Variants in CDK6 observed in about 807,000 individuals in gnomAD.
The protein encoded by CDK6 is cyclin-dependent kinase 6.
CDK6 carries 6 observed loss-of-function variants against 37.1 expected under a neutral mutation model. The ratio of observed to expected loss-of-function variants is 0.16; its 90% confidence interval spans 0.09 to 0.32. The LOEUF (loss-of-function observed/expected upper bound fraction) is 0.32. CDK6 is among the 10% of genes least tolerant of loss of function. CDK6 has a pLI of 1.00. For synonymous variants in CDK6, 160 were observed against 161.3 expected (o/e 0.99, Z 0.06); for missense variants, 224 against 418.9 (o/e 0.53, Z 4.06).
At chr7:92,762,393 A>G (rs927212972) in intron 3 of CDK6, among the ~76,000 whole-genome samples, 3 of 152,064 alleles carry the variant, frequency 2.0e-5, no homozygotes, top group Non-Finnish European at 4.4e-5. Context: ...AGCAGAGGGA[A>G]GCAGGGCCCT....
intron 4 of CDK6, among the ~76,000 whole-genome samples, chr7:92,672,132 T>C (rs938025932): frequency 1.4e-3 from 76 of 56,128 alleles, no homozygotes; most frequent in African/African-American, 5.3e-3. Flanking sequence ...CCAAAAGCTG[T>C]ACATATATAT....
intron 4 of CDK6, among the ~76,000 whole-genome samples, chr7:92,700,631 G>A (rs187906450): frequency 6.6e-6 from 1 of 152,182 alleles, no homozygotes; most frequent in Non-Finnish European, 1.5e-5. Flanking sequence ...GGAGTGGACC[G>A]AGTTGGACAT....
At position 92,613,604 on chromosome 7, in the gene CDK6, G is replaced by A; in HGVS notation, c.*1536C>T. On this transcript the variant is annotated 3_prime_UTR_variant, in exon 8 of 8. Transcript: ENST00000424848. ...TGTAGAGAGCAGGAGTGAGCACAAG[G>A]CACTAGAAATAAGCACAGCCTGGGG... 1 of 233,394 alleles carries A rather than the reference G, an allele frequency of 4.3e-6. No homozygotes were observed. Among genetic ancestry groups the A allele is most frequent in the Admixed American group, 5.6e-5 (1 of 17,798 alleles). The allele number at this position is 233,394 out of a possible 1,614,324, so 14.5% of individuals were successfully genotyped here. A position where few individuals can be genotyped will look rare whatever the true frequency, so the allele number is the denominator to read the frequency against.
At chr7:92,827,369 T>C (rs1053827825) in intron 2 of CDK6, among the ~76,000 whole-genome samples, 2 of 152,028 alleles carry the variant, frequency 1.3e-5, no homozygotes, top group African/African-American at 4.8e-5. Flanking sequence ...ACAAAGGAGA[T>C]GGTCAAAAAT....
intron 5 of CDK6, among the ~76,000 whole-genome samples, chr7:92,645,502 A>T (rs1411141638): frequency 2.6e-5 from 4 of 152,268 alleles, no homozygotes; most frequent in Non-Finnish European, 5.9e-5. Context: ...TCCAAGCAGC[A>T]TTAGAAACCA....
At chr7:92,736,297 C>A (rs1020899357) in intron 3 of CDK6, among the ~76,000 whole-genome samples, 1 of 152,062 alleles carries the variant, frequency 6.6e-6, no homozygotes, top group Admixed American at 6.6e-5. Flanking sequence ...ACCACTTATT[C>A]AAAAGAACTA....
At chr7:92,672,184 GACACATACACACACACACACACACAC>G (rs1797096274) in intron 4 of CDK6, among the ~76,000 whole-genome samples, 2 of 44,140 alleles carry the variant, frequency 4.5e-5, no homozygotes, top group Non-Finnish European at 7.3e-5. Context: ...CACACACACA[GACACATACACACACACACACACACAC>G]ACACACACAC....
At chr7:92,735,207 G>A (rs1332531143) in intron 3 of CDK6, among the ~76,000 whole-genome samples, 1 of 152,114 alleles carries the variant, frequency 6.6e-6, no homozygotes, top group Non-Finnish European at 1.5e-5. Context: ...AGTTGATTAA[G>A]CAAGTTCCAC....
At chr7:92,772,863 T>C (rs555419928) in intron 3 of CDK6, among the ~76,000 whole-genome samples, 29 of 152,196 alleles carry the variant, frequency 1.9e-4, no homozygotes, top group Admixed American at 1.1e-3. Context: ...TCCAATATAC[T>C]AGGATAATTT....
At chr7:92,748,378 T>C (rs750181501) in intron 3 of CDK6, among the ~76,000 whole-genome samples, 1 of 152,150 alleles carries the variant, frequency 6.6e-6, no homozygotes, top group Non-Finnish European at 1.5e-5. Flanking sequence ...CTAGCTGACA[T>C]CACTTTAGGC....
rs568913700 is a variant in CDK6 at position 92,752,762 on chromosome 7, C to T, written c.369+21934G>A. On this transcript the variant is annotated intron_variant, in intron 3 of 7. Coordinates refer to ENST00000424848, the MANE Select transcript of CDK6 (RefSeq NM_001145306.2). ...AATACCACAGGAGTTAGTAATGATT[C>T]GGTGCCTTCCCATGAAGTTCAAGCC... Among the ~76,000 whole-genome samples, 26 of 152,222 alleles carry T rather than the reference C, an allele frequency of 1.7e-4. 1 individual carries two copies. The highest frequency in any genetic ancestry group is 1.4e-3 in the Admixed American group (21 of 15,306).
chr7:92,699,334 G>A lies in CDK6; in HGVS notation c.537+26292C>T, dbSNP rs3731320. Among the ~76,000 whole-genome samples, 534 of 152,290 alleles carry A rather than the reference G, an allele frequency of 3.5e-3. 7 individuals carry two copies. The highest frequency in any genetic ancestry group is 0.012 in the African/African-American group (506 of 41,562). ...AATAATTAAACTGCTGATGCTGTTA[G>A]CTATTAGCACATGATGAACCTTTAA... On this transcript the variant is annotated intron_variant, in intron 4 of 7. Coordinates refer to ENST00000424848, the MANE Select transcript of CDK6 (RefSeq NM_001145306.2).
intron 5 of CDK6, among the ~76,000 whole-genome samples, chr7:92,636,152 G>A (rs2116523382): frequency 6.6e-6 from 1 of 152,180 alleles, no homozygotes. Context: ...CATTTTCTGG[G>A]TCAATCATTC....
chr7:92,730,621 G>A (rs1798621970), intron 3 of CDK6, among the ~76,000 whole-genome samples: 2 of 152,150 alleles, frequency 1.3e-5, no homozygotes, highest in Non-Finnish European at 2.9e-5. Flanking sequence ...CATACATGTG[G>A]AATCACACTG....
chr7:92,749,594 C>T lies in CDK6; in HGVS notation c.370-23801G>A, dbSNP rs113999078. On this transcript the variant is annotated intron_variant, in intron 3 of 7. Transcript: ENST00000424848. The stretch of plus-strand genomic sequence containing the variant: ...CATATCAAATTCTCATTCCTATAAT[C>T]ACATGTACATTTTTGATCCTCTGAA... Among the ~76,000 whole-genome samples, 900 of 152,262 alleles carry T rather than the reference C, an allele frequency of 5.9e-3. 9 individuals carry two copies. Among genetic ancestry groups the T allele is most frequent in the African/African-American group, 0.021 (860 of 41,566 alleles).
Position 92,607,647 on chromosome 7 carries a change from C to A in CDK6, c.*7493G>T, listed in dbSNP as rs1392895277. ...TGCCTTCAGTTGTACTTTCACAGGA[C>A]TAGTGTGATTCAGAAATAAATAACA... On this transcript the variant is annotated 3_prime_UTR_variant, in exon 8 of 8. Coordinates refer to ENST00000424848, the MANE Select transcript of CDK6 (RefSeq NM_001145306.2). The A allele has an allele frequency of 1.3e-5, 3 of 232,304 alleles. No homozygotes were observed. The East Asian group carries it at 1.8e-4, about 14-fold the overall frequency. 14.4% of individuals were successfully genotyped at this position (232,304 alleles called of 1,614,324 possible). A position where few individuals can be genotyped will look rare whatever the true frequency, so the allele number is the denominator to read the frequency against.
At chr7:92,800,613 G>A (rs1261545553) in intron 2 of CDK6, among the ~76,000 whole-genome samples, 1 of 152,172 alleles carries the variant, frequency 6.6e-6, no homozygotes, top group Non-Finnish European at 1.5e-5. Flanking sequence ...GACCCACTGT[G>A]TAGTCCCTAT....
At chr7:92,761,802 T>A (rs1799462791) in intron 3 of CDK6, among the ~76,000 whole-genome samples, 3 of 152,228 alleles carry the variant, frequency 2.0e-5, no homozygotes. Flanking sequence ...TCTCTTCATG[T>A]GTGATGCTCT....
At chr7:92,741,043 C>T (rs1176271552) in intron 3 of CDK6, among the ~76,000 whole-genome samples, 3 of 152,152 alleles carry the variant, frequency 2.0e-5, no homozygotes, top group Admixed American at 1.3e-4. Flanking sequence ...ACATTCAGTG[C>T]TGTTTTGCTT....
Sources: allele counts gnomAD v4.1 joint callset (sites outside exome capture counted in the v4.1 genomes callset), GRCh38; gene constraint gnomAD v4.1.1; transcripts MANE v1.5; gene names NCBI Gene and HGNC (gene_info 2026-07-23, HGNC 2026-07-21).